PGM2L1: variants seen among roughly 807,000 people sequenced by gnomAD.
The protein encoded by PGM2L1 is glucose 1,6-bisphosphate synthase.
A neutral mutation model predicts 73.4 loss-of-function variants in PGM2L1; 35 were observed. The ratio of observed to expected loss-of-function variants is 0.48; its 90% CI spans 0.36 to 0.63. PGM2L1 has a LOEUF of 0.63. Ranked by LOEUF, PGM2L1 falls within the 30% of genes least tolerant of loss-of-function variation. PGM2L1 has a pLI of 0.00. For synonymous variants in PGM2L1, 225 were observed against 253.8 expected (o/e 0.89, Z 1.08); for missense variants, 570 against 742.0 (o/e 0.77, Z 2.69).
At chr11:74,343,191 T>G (rs1402437107) in intron 10 of PGM2L1, 132 bp downstream of exon 10, 11 of 1,320,990 alleles carry the variant, frequency 8.3e-6, no homozygotes, top group Non-Finnish European at 1.1e-5. Context: ...AAGAAATGTA[T>G]CTACATATTT....
intron 1 of PGM2L1, among the ~76,000 whole-genome samples, chr11:74,383,820 A>ATATATATATATATATAT (rs1555102267): frequency 6.5e-4 from 11 of 16,964 alleles, no homozygotes; most frequent in South Asian, 1.3e-3. Flanking sequence ...GAGATATATA[A>ATATATATATATATATAT]ATAAATATAT....
intron 9 of PGM2L1, among the ~76,000 whole-genome samples, chr11:74,344,161 A>G (rs532659281): frequency 3.2e-4 from 48 of 152,228 alleles, no homozygotes; most frequent in African/African-American, 1.1e-3. Context: ...TATACTGCAT[A>G]TAAGAGATGG....
rs1345995947 is a variant in PGM2L1 at position 74,331,805 on chromosome 11, T to A, written c.*4847A>T. ...CACTTCATGTCAGTGGTAGGCTGATTCTGATTTTGCTCTCAGAACCCCTTC... is the reference window on the plus strand; with the variant it reads ...CACTTCATGTCAGTGGTAGGCTGATACTGATTTTGCTCTCAGAACCCCTTC... On this transcript the variant is annotated 3_prime_UTR_variant, in exon 14 of 14. Coordinates refer to ENST00000298198, the MANE Select transcript of PGM2L1 (RefSeq NM_173582.6). 6.6e-6 allele frequency: 1 copy of A among 152,280 alleles called. No homozygotes were observed. Among genetic ancestry groups the A allele is most frequent in the African/African-American group, 2.4e-5 (1 of 41,468 alleles). 9.4% of individuals were successfully genotyped at this position (152,280 alleles called of 1,614,324 possible). A position where few individuals can be genotyped will look rare whatever the true frequency, so the allele number is the denominator to read the frequency against.
At chr11:74,364,795 T>C (rs1862628534) in intron 5 of PGM2L1, among the ~76,000 whole-genome samples, 1 of 152,136 alleles carries the variant, frequency 6.6e-6, no homozygotes, top group African/African-American at 2.4e-5. Context: ...CCACCCAAGG[T>C]AATTTATAGA....
rs1862250009 is a variant in PGM2L1 at position 74,345,639 on chromosome 11, T to G, written c.1048A>C (p.Lys350Gln). The G allele has an allele frequency of 6.2e-7, 1 of 1,613,498 alleles. No homozygotes were observed. The highest frequency in any genetic ancestry group is 1.1e-5 in the South Asian group (1 of 91,072). ...GCCAACTCATTCCCTGTGAAAACTT[T>G]CCAACAACCACTGTAGAGAGAAGGA... The part of the protein sequence containing the change: ...AAELQENGCW[K>Q]VFTGNELAAL... The change falls in exon 9 of 14, where the codon AAA (lysine) becomes CAA (glutamine). Residue 350 changes from lysine (K) to glutamine (Q), a missense_variant. Coordinates refer to ENST00000298198, the MANE Select transcript of PGM2L1 (RefSeq NM_173582.6).
intron 4 of PGM2L1, among the ~76,000 whole-genome samples, chr11:74,370,140 T>A (rs1258074084): frequency 6.6e-6 from 1 of 152,230 alleles, no homozygotes; most frequent in African/African-American, 2.4e-5. Context: ...AACATTCATT[T>A]TATCATTGTT....
At chr11:74,372,730 A>T (rs904297070) in intron 2 of PGM2L1, among the ~76,000 whole-genome samples, 1 of 152,176 alleles carries the variant, frequency 6.6e-6, no homozygotes. Flanking sequence ...ACTAAGTTAT[A>T]CTGATTTATT....
rs1250082837 is a variant in PGM2L1, at chr11:74,372,828, A to G, written c.280-1011T>C. Among the ~76,000 whole-genome samples the G allele has an allele frequency of 2.0e-5, 3 of 152,206 alleles. No individual in the cohort carries two copies. In the East Asian group the frequency reaches 5.8e-4, roughly 29 times the overall value. ...GTGACTTCTGGTGCCTGAGTCTCTC[A>G]AGTACAATTAATTTCCCCAACCTAT... On this transcript the variant is annotated intron_variant, in intron 2 of 13. Coordinates refer to ENST00000298198, the MANE Select transcript of PGM2L1 (RefSeq NM_173582.6).
intron 5 of PGM2L1, among the ~76,000 whole-genome samples, chr11:74,367,818 A>T (rs2134925049): frequency 6.6e-6 from 1 of 152,318 alleles, no homozygotes; most frequent in African/African-American, 2.4e-5. Flanking sequence ...TGTCCCTATG[A>T]ATGGTAACAC....
rs115337719 is a variant in PGM2L1, at chr11:74,341,154, T to C, written c.1632+1307A>G. 7.6e-3 allele frequency among the ~76,000 whole-genome samples: 1,151 copies of C among 152,154 alleles called. 10 individuals carry two copies. The highest frequency in any genetic ancestry group is 0.026 in the African/African-American group (1,059 of 41,512). On this transcript the variant is annotated intron_variant, in intron 12 of 13. Transcript: ENST00000298198. Reference sequence around the variant, plus strand: ...CATTCCACACATCTTACCCTGAGGGTAGTATACATGATTATTTGGGAAGTG... The same window carrying C: ...CATTCCACACATCTTACCCTGAGGGCAGTATACATGATTATTTGGGAAGTG...
At chr11:74,351,344 A>T in intron 6 of PGM2L1, 39 bp downstream of exon 6, 1 of 1,531,776 alleles carries the variant, frequency 6.5e-7, no homozygotes, top group Middle Eastern at 2.1e-4. Context: ...CTTTAACGTT[A>T]TTCTGAAGTA....
rs1164419354 is a variant in PGM2L1, at chr11:74,333,101, C to T, written c.*3551G>A. 2 of 150,284 alleles carry T rather than the reference C, an allele frequency of 1.3e-5. No homozygotes were observed. Among genetic ancestry groups the T allele is most frequent in the Non-Finnish European group, 2.9e-5 (2 of 67,956 alleles). 9.3% of individuals were successfully genotyped at this position (150,284 alleles called of 1,614,324 possible). On this transcript the variant is annotated 3_prime_UTR_variant, in exon 14 of 14. Transcript: ENST00000298198. ...GCCCTTTATGACATTTTTGTTCTAA[C>T]CTGAGTTTTTAAAAAAAATGTGCTG...
intron 1 of PGM2L1, among the ~76,000 whole-genome samples, chr11:74,389,947 C>CA (rs71065078): frequency 0.01 from 389 of 38,570 alleles, 21 homozygotes; most frequent in African/African-American, 0.039. Flanking sequence ...ACTAAAAATA[C>CA]AAAAAAAAAA....
Position 74,342,874 on chromosome 11 carries a change from G to T in PGM2L1, c.1442+11C>A. 1 of 1,582,958 alleles carries T rather than the reference G, an allele frequency of 6.3e-7. No individual in the cohort carries two copies. The highest frequency in any genetic ancestry group is 8.6e-7 in the Non-Finnish European group (1 of 1,169,010). Reference sequence around the variant, plus strand: ...AATCTAGCATGTGAAATTCATAATAGTAGAACTTACTTTTCATAAACCTTA... The same window carrying T: ...AATCTAGCATGTGAAATTCATAATATTAGAACTTACTTTTCATAAACCTTA... On this transcript the variant is annotated intron_variant, in intron 11 of 13. Coordinates refer to ENST00000298198, the MANE Select transcript of PGM2L1 (RefSeq NM_173582.6).
intron 6 of PGM2L1, 151 bp from the exon 7 acceptor site, chr11:74,347,488 TA>T: frequency 1.6e-6 from 1 of 633,414 alleles, no homozygotes; most frequent in Non-Finnish European, 2.5e-6. Flanking sequence ...AAATCAAGAG[TA>T]CTAACTTAAA....
intron 2 of PGM2L1, among the ~76,000 whole-genome samples, chr11:74,372,267 G>T (rs1465651686): frequency 6.6e-6 from 1 of 152,094 alleles, no homozygotes; most frequent in African/African-American, 2.4e-5. Context: ...ACCTATTTAT[G>T]ATGTAAACAT....
Position 74,398,331 on chromosome 11 carries a change from G to T in PGM2L1, c.-170C>A. 1 of 1,084,246 alleles carries T rather than the reference G, an allele frequency of 9.2e-7. No homozygotes were observed. Among genetic ancestry groups the T allele is most frequent in the East Asian group, 3.0e-5 (1 of 32,884 alleles). The allele number at this position is 1,084,246 out of a possible 1,614,324, so 67.2% of individuals were successfully genotyped here. On this transcript the variant is annotated 5_prime_UTR_variant, in exon 1 of 14. Transcript: ENST00000298198. The stretch of plus-strand genomic sequence containing the variant: ...TCCTGCCGCGGCGTCAGGGAACCGG[G>T]AGAGAGGGGGTTTATGGCCGCCTGC...
intron 1 of PGM2L1, among the ~76,000 whole-genome samples, chr11:74,375,689 TTAAAG>T (rs1862844305): frequency 6.6e-6 from 1 of 152,114 alleles, no homozygotes; most frequent in African/African-American, 2.4e-5. Context: ...ATAGTAGAAA[TTAAAG>T]TAACCAGAGT....
intron 8 of PGM2L1, among the ~76,000 whole-genome samples, 179 bp downstream of exon 8, chr11:74,346,552 AT>A (rs1862269790): frequency 6.6e-6 from 1 of 152,206 alleles, no homozygotes; most frequent in Admixed American, 6.5e-5. Flanking sequence ...AAATATTTCA[AT>A]TTAAAAGACA....
Sources: allele counts gnomAD v4.1 joint callset (sites outside exome capture counted in the v4.1 genomes callset), GRCh38; gene constraint gnomAD v4.1.1; transcripts MANE v1.5; gene names NCBI Gene and HGNC (gene_info 2026-07-23, HGNC 2026-07-21).